The following CD38 variants were observed in gnomAD, a reference collection of about 807,000 sequenced individuals.
CD38 encodes the protein ADP-ribosyl cyclase/cyclic ADP-ribose hydrolase 1.
CD38 carries 31 observed loss-of-function variants against 36.3 expected under a neutral mutation model. The ratio of observed to expected loss-of-function variants is 0.85; its 90% confidence interval spans 0.64 to 1.15. The LOEUF (loss-of-function observed/expected upper bound fraction) is 1.15, where lower values mean the gene tolerates loss of function less well. Among genes scored for constraint, CD38 ranks in the 50% most tolerant of loss-of-function variants. The pLI is 0.00. For missense variants in CD38, 380 were observed against 371.9 expected (o/e 1.02, Z -0.18); for synonymous variants, 131 against 135.2 (o/e 0.97, Z 0.22).
chr4:15,787,985 T>TC (rs1400222275), intron 1 of CD38, among the ~76,000 whole-genome samples: 2 of 152,214 alleles, frequency 1.3e-5, no homozygotes, highest in Admixed American at 1.3e-4. Context: ...TTGTACCCAC[T>TC]CCTCGCCCTC....
intron 1 of CD38, among the ~76,000 whole-genome samples, chr4:15,806,385 G>C (rs1723340788): frequency 6.6e-6 from 1 of 152,188 alleles, no homozygotes; most frequent in African/African-American, 2.4e-5. Context: ...GCATTGCTTT[G>C]CAAAAAGAAC....
chr4:15,780,534 A>AGTG (rs1722671550), intron 1 of CD38, among the ~76,000 whole-genome samples: 6 of 144,172 alleles, frequency 4.2e-5, no homozygotes, highest in Non-Finnish European at 7.5e-5. Flanking sequence ...ACACACACAC[A>AGTG]CACACACACA....
chr4:15,834,350 T>G, intron 4 of CD38, 48 bp downstream of exon 4: 1 of 1,133,604 alleles, frequency 8.8e-7, no homozygotes, highest in Non-Finnish European at 1.3e-6. Flanking sequence ...CCACAGAACT[T>G]AAGACGTTAC....
intron 1 of CD38, among the ~76,000 whole-genome samples, chr4:15,805,192 C>T (rs144258037): frequency 2.0e-5 from 3 of 152,020 alleles, no homozygotes; most frequent in Non-Finnish European, 4.4e-5. Context: ...TTTCCATTTT[C>T]TTTAATGGAA....
In CD38 at chr4:15,848,710, A is replaced by T; in HGVS notation, c.*108A>T. On this transcript the variant is annotated 3_prime_UTR_variant, in exon 8 of 8. Transcript: ENST00000226279. ...AGCTGAAGATTTTGGAGGGTCCTCC[A>T]CAATAAGGTCAATGCCAGAGACGGA... 1.2e-6 allele frequency: 1 copy of T among 807,696 alleles called. No individual in the cohort carries two copies. 50.0% of individuals were successfully genotyped at this position (807,696 alleles called of 1,614,324 possible).
At chr4:15,785,790 C>T (rs1376154085) in intron 1 of CD38, among the ~76,000 whole-genome samples, 1 of 152,196 alleles carries the variant, frequency 6.6e-6, no homozygotes, top group Non-Finnish European at 1.5e-5. Flanking sequence ...TTCGTGGGTT[C>T]TTGGTCTCAC....
chr4:15,847,934 G>A (rs968077489), intron 7 of CD38, among the ~76,000 whole-genome samples: 2 of 152,140 alleles, frequency 1.3e-5, no homozygotes, highest in Admixed American at 6.6e-5. Context: ...GCCCATAATG[G>A]GAACCAGGTG....
At chr4:15,820,463 C>T (rs1577651652) in intron 2 of CD38, among the ~76,000 whole-genome samples, 1 of 152,196 alleles carries the variant, frequency 6.6e-6, no homozygotes, top group East Asian at 1.9e-4. Flanking sequence ...TGCAAAGACA[C>T]ACATAGGCTC....
intron 1 of CD38, among the ~76,000 whole-genome samples, chr4:15,797,283 A>G (rs1053966606): frequency 6.6e-6 from 1 of 152,234 alleles, no homozygotes; most frequent in Non-Finnish European, 1.5e-5. Flanking sequence ...TACCCATGCT[A>G]ATATATAAAC....
rs78580781 is a variant in CD38, at chr4:15,778,624, C to T, written c.210C>T (p.Tyr70=). 6,573 of 1,612,850 alleles carry T rather than the reference C, an allele frequency of 4.1e-3. 23 individuals are homozygous for T. Among genetic ancestry groups the T allele is most frequent in the Non-Finnish European group, 4.9e-3 (5,742 of 1,179,168 alleles). ...PETVLARCVK[Y]TEIHPEMRHV... is the part of the protein sequence containing the mutation. ...CCGTCCTGGCGCGATGCGTCAAGTA[C>T]ACTGAAATTCATCCTGAGATGAGGT... is the stretch of plus-strand genomic sequence containing the variant. Residue 70 remains tyrosine (Y), a synonymous_variant, in exon 1 of 8, where the codon TAC becomes TAT. Transcript: ENST00000226279. This position sits in a 1 kb window ranked among gnomAD's most constrained non-coding sequence, Gnocchi z 4.9.
At chr4:15,837,834 CTGAACCACCAGCTCTA>C (rs1258583279) in intron 4 of CD38, among the ~76,000 whole-genome samples, 1 of 152,236 alleles carries the variant, frequency 6.6e-6, no homozygotes, top group Non-Finnish European at 1.5e-5. Flanking sequence ...TTCTGAACCA[CTGAACCACCAGCTCTA>C]TGAACTATAA....
At chr4:15,800,686 C>T (rs1407608728) in intron 1 of CD38, among the ~76,000 whole-genome samples, 2 of 151,660 alleles carry the variant, frequency 1.3e-5, no homozygotes, top group African/African-American at 4.8e-5. Flanking sequence ...ACCAATGGGT[C>T]AATGAAGAAA....
chr4:15,803,663 A>G (rs748810855), intron 1 of CD38, among the ~76,000 whole-genome samples: 12 of 152,170 alleles, frequency 7.9e-5, no homozygotes, highest in African/African-American at 2.9e-4. Context: ...AACTTAAAAC[A>G]TTTCAGCTTT....
rs1316683097 is a variant in CD38 at position 15,792,436 on chromosome 4, A to T, written c.233+13789A>T. On this transcript the variant is annotated intron_variant, in intron 1 of 7. Coordinates refer to ENST00000226279, the MANE Select transcript of CD38 (RefSeq NM_001775.4). ...GAATGATCAATAAAAATAAAATAAA[A>T]TAAAAAAAAGGAATGAATCAAGAAA... Among the ~76,000 whole-genome samples the T allele has an allele frequency of 5.0e-4, 73 of 145,842 alleles. 2 individuals carry two copies. The highest frequency in any genetic ancestry group is 1.8e-3 in the African/African-American group (71 of 38,696).
rs1722670222 is a variant in CD38 at position 15,780,530 on chromosome 4, A to ACACACACACACACACACACACG, written c.233+1904_233+1905insGCACACACACACACACACACAC. Among the ~76,000 whole-genome samples, 4 of 36,958 alleles carry ACACACACACACACACACACACG rather than the reference A, an allele frequency of 1.1e-4. No individual in the cohort carries two copies. The South Asian group carries it at 1.7e-3, about 16-fold the overall frequency. The allele number at this position is 36,958 out of a possible 152,430, so 24.2% of individuals were successfully genotyped here. A position where few individuals can be genotyped will look rare whatever the true frequency, so the allele number is the denominator to read the frequency against. On this transcript the variant is annotated intron_variant, in intron 1 of 7. Transcript: ENST00000226279. ...AATATTCTCTCTCTCACACACACACACACACACACACACACACACACACAC... is the reference window on the plus strand; with the variant it reads ...AATATTCTCTCTCTCACACACACACACACACACACACACACACACACGCACACACACACACACACACACACAC...
chr4:15,834,672 G>A (rs1724029186), intron 4 of CD38, among the ~76,000 whole-genome samples: 1 of 152,180 alleles, frequency 6.6e-6, no homozygotes, highest in Non-Finnish European at 1.5e-5. Flanking sequence ...ACGGTCCTCA[G>A]ATCTTTACAT....
At chr4:15,836,426 A>G (rs1724071428) in intron 4 of CD38, among the ~76,000 whole-genome samples, 1 of 152,208 alleles carries the variant, frequency 6.6e-6, no homozygotes, top group Non-Finnish European at 1.5e-5. Context: ...TTACCATCAC[A>G]TTGGTCTTAG....
chr4:15,806,701 G>C lies in CD38; in HGVS notation c.234-9810G>C, dbSNP rs148915891. 9.7e-4 allele frequency among the ~76,000 whole-genome samples: 148 copies of C among 152,288 alleles called. 1 individual carries two copies. Among genetic ancestry groups the C allele is most frequent in the Middle Eastern group, 6.8e-3 (2 of 294 alleles). On this transcript the variant is annotated intron_variant, in intron 1 of 7. Transcript: ENST00000226279. ...AATGATGTACAGGGCGATAGGGTGA[G>C]TGAGAGGTCTGGGATCTATTGGCAG...
chr4:15,783,583 T>C (rs1420546550), intron 1 of CD38, among the ~76,000 whole-genome samples: 19 of 152,212 alleles, frequency 1.2e-4, no homozygotes. Context: ...CCTAACAGTC[T>C]CTTAATAGAA....
Sources: gnomAD v4.1 joint callset for allele counts (sites outside exome capture counted in the v4.1 genomes callset) on GRCh38, gnomAD v4.1.1 for gene constraint, Gnocchi (gnomAD v3.1) non-coding constraint, MANE v1.5 for transcripts, NCBI Gene and HGNC (gene_info 2026-07-23, HGNC 2026-07-21) for gene names.